The following STAG1 variants were observed in gnomAD, a reference collection of about 807,000 sequenced individuals.
STAG1 encodes STAG1 cohesin complex component, also known as cohesin subunit SA-1.
A neutral mutation model predicts 170.9 loss-of-function variants in STAG1; 26 were observed. The observed-to-expected ratio is 0.15, with a 90% CI of 0.11 to 0.21. STAG1 has a LOEUF of 0.21. STAG1 is among the 10% of genes least tolerant of loss of function. The pLI is 1.00. For missense variants in STAG1, 964 were observed against 1,509.5 expected (o/e 0.64, Z 5.99); for synonymous variants, 514 against 497.7 (o/e 1.03, Z -0.44).
At chr3:136,733,643 C>T (rs575937388) in intron 1 of STAG1, among the ~76,000 whole-genome samples, 8 of 152,330 alleles carry the variant, frequency 5.3e-5, no homozygotes, top group Admixed American at 3.9e-4. Flanking sequence ...TCTTAGCCAT[C>T]TGTCATGTGA....
intron 9 of STAG1, among the ~76,000 whole-genome samples, chr3:136,478,041 C>T (rs1245741121): frequency 1.3e-5 from 2 of 152,206 alleles, no homozygotes; most frequent in Admixed American, 6.5e-5. Context: ...CCACCCACCT[C>T]GGCCTCCCAA....
chr3:136,588,375 T>C (rs1478854342), intron 4 of STAG1, among the ~76,000 whole-genome samples: 3 of 152,154 alleles, frequency 2.0e-5, no homozygotes, highest in South Asian at 2.1e-4. Context: ...TCGCTCTTGA[T>C]GCTCAGGCTG....
intron 13 of STAG1, among the ~76,000 whole-genome samples, chr3:136,462,623 A>C (rs1576490152): frequency 2.0e-5 from 3 of 152,226 alleles, no homozygotes; most frequent in Non-Finnish European, 1.5e-5. Context: ...GACTATAGTT[A>C]ACAATAATTT....
chr3:136,616,096 G>A (rs976079932), intron 3 of STAG1, among the ~76,000 whole-genome samples: 5 of 151,704 alleles, frequency 3.3e-5, no homozygotes, highest in African/African-American at 7.3e-5. Flanking sequence ...GTGAAACCCC[G>A]TCTCTACTAA....
At chr3:136,485,658 T>C (rs1444710548) in intron 9 of STAG1, among the ~76,000 whole-genome samples, 1 of 152,210 alleles carries the variant, frequency 6.6e-6, no homozygotes, top group Non-Finnish European at 1.5e-5. Flanking sequence ...AATTCCTATA[T>C]ACGTCTGATA....
intron 5 of STAG1, among the ~76,000 whole-genome samples, chr3:136,560,758 C>T (rs1936806563): frequency 6.6e-6 from 1 of 152,068 alleles, no homozygotes; most frequent in South Asian, 2.1e-4. Flanking sequence ...AATTAGAAAA[C>T]CAATACTGCA....
rs537227515 is a variant in STAG1, at chr3:136,639,176, A to G, written c.-83-8195T>C. 1.2e-3 allele frequency among the ~76,000 whole-genome samples: 159 copies of G among 129,860 alleles called. 1 individual carries two copies. Among genetic ancestry groups the G allele is most frequent in the African/African-American group, 5.3e-3 (156 of 29,160 alleles). The allele number at this position is 129,860 out of a possible 152,430, so 85.2% of individuals were successfully genotyped here. A position where few individuals can be genotyped will look rare whatever the true frequency, so the allele number is the denominator to read the frequency against. On this transcript the variant is annotated intron_variant, in intron 1 of 33. Transcript: ENST00000383202. ...ATAAGTAAGACTCCCATCTCAAAAA[A>G]AGAAAAAAGAAAAGAAAAAAAAAAG...
At chr3:136,547,818 A>C (rs1576593732) in intron 5 of STAG1, among the ~76,000 whole-genome samples, 1 of 152,136 alleles carries the variant, frequency 6.6e-6, no homozygotes, top group East Asian at 1.9e-4. Context: ...TTTTCTCCCT[A>C]TGTTTTCTTC....
At position 136,391,081 on chromosome 3, in the gene STAG1, T is replaced by C. The variant is rs78779504; in HGVS notation, c.2277+7668A>G. On this transcript the variant is annotated intron_variant, in intron 22 of 33. Coordinates refer to ENST00000383202, the MANE Select transcript of STAG1 (RefSeq NM_005862.3). Reference sequence around the variant, plus strand: ...GTCAAGACAGTGATGGAAGGACAAATTTTACAGCTAAATACCTCAATAATA... The same window carrying C: ...GTCAAGACAGTGATGGAAGGACAAACTTTACAGCTAAATACCTCAATAATA... 3.9e-5 allele frequency among the ~76,000 whole-genome samples: 6 copies of C among 152,298 alleles called. No individual in the cohort carries two copies. The East Asian group carries it at 1.2e-3, about 29-fold the overall frequency.
chr3:136,574,930 T>C (rs1937400742), intron 4 of STAG1, among the ~76,000 whole-genome samples: 2 of 152,156 alleles, frequency 1.3e-5, no homozygotes, highest in South Asian at 4.1e-4. Context: ...CCTCTGTAAG[T>C]TTTTAAACAC....
At chr3:136,692,595 A>G (rs1942762877) in intron 1 of STAG1, among the ~76,000 whole-genome samples, 1 of 152,138 alleles carries the variant, frequency 6.6e-6, no homozygotes, top group African/African-American at 2.4e-5. Context: ...AGATCGTGCC[A>G]CTGCACTCTA....
intron 6 of STAG1, among the ~76,000 whole-genome samples, chr3:136,527,755 G>C (rs1576569864): frequency 6.6e-6 from 1 of 152,122 alleles, no homozygotes; most frequent in Non-Finnish European, 1.5e-5. Flanking sequence ...ACATACACAT[G>C]GGGTTTTGGT....
chr3:136,451,239 A>G (rs535244671), intron 14 of STAG1, among the ~76,000 whole-genome samples: 2 of 152,242 alleles, frequency 1.3e-5, no homozygotes, highest in South Asian at 4.1e-4. Flanking sequence ...ATCCTGACAT[A>G]TAAGTGTTAA....
At chr3:136,376,016 C>CAAAATAAAATAAAACAAAATAAAAT (rs1937589703) in intron 23 of STAG1, among the ~76,000 whole-genome samples, 1 of 115,540 alleles carries the variant, frequency 8.7e-6, no homozygotes, top group South Asian at 2.9e-4. Flanking sequence ...AAATAATTAA[C>CAAAATAAAATAAAACAAAATAAAAT]AAAATAAAAT....
intron 3 of STAG1, among the ~76,000 whole-genome samples, chr3:136,606,338 G>A (rs1938936943): frequency 6.6e-6 from 1 of 152,040 alleles, no homozygotes; most frequent in Admixed American, 6.6e-5. Flanking sequence ...ATAGGCGCCT[G>A]TCATCACGCC....
At chr3:136,478,108 A>G (rs1200968251) in intron 9 of STAG1, among the ~76,000 whole-genome samples, 1 of 152,138 alleles carries the variant, frequency 6.6e-6, no homozygotes, top group Non-Finnish European at 1.5e-5. Flanking sequence ...GAATCTTTAT[A>G]AGCTAGCACA....
intron 22 of STAG1, among the ~76,000 whole-genome samples, chr3:136,389,958 A>G (rs1184092915): frequency 6.6e-6 from 1 of 150,864 alleles, no homozygotes; most frequent in African/African-American, 2.4e-5. Flanking sequence ...CAGCCTCCCG[A>G]GTAGCTGGGA....
At chr3:136,381,462 G>A (rs1168484844) in intron 22 of STAG1, among the ~76,000 whole-genome samples, 1 of 152,096 alleles carries the variant, frequency 6.6e-6, no homozygotes, top group South Asian at 2.1e-4. Context: ...TTAGAGATAA[G>A]TATTAAAAGT....
intron 28 of STAG1, among the ~76,000 whole-genome samples, chr3:136,349,992 T>C (rs1427755872): frequency 6.6e-6 from 1 of 151,854 alleles, no homozygotes; most frequent in Non-Finnish European, 1.5e-5. Context: ...CAAAAAAAAT[T>C]AGCCAGGCGT....
Sources: gnomAD v4.1 joint callset for allele counts (sites outside exome capture counted in the v4.1 genomes callset) on GRCh38, gnomAD v4.1.1 for gene constraint, MANE v1.5 for transcripts, NCBI Gene and HGNC (gene_info 2026-07-23, HGNC 2026-07-21) for gene names.